Variants in KIF4A observed in about 807,000 individuals in gnomAD.
KIF4A encodes the protein chromosome-associated kinesin KIF4A.
In KIF4A, 7 loss-of-function variants were observed where a neutral mutation model predicts 105.9. That is an observed-to-expected ratio of 0.07 (90% CI 0.04 to 0.12). KIF4A has a LOEUF of 0.12. KIF4A is among the 10% of genes least tolerant of loss of function. The pLI, the probability that KIF4A is intolerant of heterozygous loss-of-function variation, is 1.00. For synonymous variants in KIF4A, 281 were observed against 331.3 expected (o/e 0.85, Z 1.65); for missense variants, 558 against 929.2 (o/e 0.60, Z 5.19).
chrX:70,351,389 G>A (rs1408935898), intron 13 of KIF4A, among the ~76,000 whole-genome samples: 2 of 112,103 alleles, frequency 1.8e-5, no homozygotes, highest in African/African-American at 3.2e-5. Flanking sequence ...TATAAGTAAG[G>A]ACATGCAGTA....
At chrX:70,387,715 A>G (rs2086223129) in intron 20 of KIF4A, among the ~76,000 whole-genome samples, 1 of 111,504 alleles carries the variant, frequency 9.0e-6, no homozygotes, top group Admixed American at 9.6e-5. Context: ...TAAAAATACA[A>G]AAATTAGCTG....
intron 13 of KIF4A, among the ~76,000 whole-genome samples, chrX:70,349,260 C>G: frequency 1.1e-5 from 1 of 95,026 alleles, no homozygotes; most frequent in African/African-American, 4.0e-5. Context: ...AGGCACTCCT[C>G]ACATCCCAGA....
Position 70,406,881 on chromosome X carries a change from C to T in KIF4A, c.3073-12C>T. On this transcript the variant is annotated splice_polypyrimidine_tract_variant and intron_variant, in intron 27 of 30. Coordinates refer to ENST00000374403, the MANE Select transcript of KIF4A (RefSeq NM_012310.5). ...ATTAAATAACTAAACTACTCCAAACCTTTTTTCCTAGCCAAAACCTTCTCG... is the reference window on the plus strand; with the variant it reads ...ATTAAATAACTAAACTACTCCAAACTTTTTTTCCTAGCCAAAACCTTCTCG... 1 of 1,209,246 alleles carries T rather than the reference C, an allele frequency of 8.3e-7. No individual in the cohort carries two copies. Among genetic ancestry groups the T allele is most frequent in the Non-Finnish European group, 1.1e-6 (1 of 893,704 alleles).
intron 13 of KIF4A, among the ~76,000 whole-genome samples, chrX:70,349,818 T>C (rs1259706863): frequency 6.4e-4 from 36 of 56,494 alleles, no homozygotes; most frequent in African/African-American, 9.2e-4. Flanking sequence ...GGGTGGTGGC[T>C]GGGCAGAGGC....
Position 70,297,120 on chromosome X carries a change from C to A in KIF4A, c.358C>A (p.Gln120Lys). ...AGTTGGGGTTATTCCTAGGGTAATA[C>A]AACTGCTCTTCAAAGAAATTGATAA... ...PTVGVIPRVIQLLFKEIDKKS... is the reference protein window; with the variant it reads ...PTVGVIPRVIKLLFKEIDKKS... Residue 120 changes from glutamine to lysine, a missense_variant, in exon 4 of 31, where the codon CAA becomes AAA. Transcript: ENST00000374403. The A allele has an allele frequency of 8.3e-7, 1 of 1,211,237 alleles. No individual in the cohort carries two copies.
chrX:70,349,725 C>T (rs1371468241), intron 13 of KIF4A, among the ~76,000 whole-genome samples: 4 of 63,451 alleles, frequency 6.3e-5, no homozygotes, highest in African/African-American at 1.4e-4. Context: ...CCTCACCTCC[C>T]AGACGGGGTG....
intron 13 of KIF4A, among the ~76,000 whole-genome samples, chrX:70,345,374 G>A (rs1291975689): frequency 9.2e-6 from 1 of 108,650 alleles, no homozygotes; most frequent in Non-Finnish European, 1.9e-5. Flanking sequence ...TGAGGCAGGA[G>A]AACTGCTTGA....
chrX:70,301,483 T>C lies in KIF4A; in HGVS notation c.517-417T>C, dbSNP rs770739087. Among the ~76,000 whole-genome samples, 3 of 110,880 alleles carry C rather than the reference T, an allele frequency of 2.7e-5. No individual in the cohort carries two copies. The South Asian group carries it at 1.2e-3, about 43-fold the overall frequency. ...ACCATGCTATTTCCTCTAGTGAAAATGAGGTTAAAAATGAATCAGAGGTAC... is the reference window on the plus strand; with the variant it reads ...ACCATGCTATTTCCTCTAGTGAAAACGAGGTTAAAAATGAATCAGAGGTAC... On this transcript the variant is annotated intron_variant, in intron 5 of 30. Transcript: ENST00000374403.
intron 7 of KIF4A, among the ~76,000 whole-genome samples, chrX:70,303,281 C>T (rs763394192): frequency 8.9e-6 from 1 of 112,047 alleles, no homozygotes; most frequent in Admixed American, 9.5e-5. Flanking sequence ...ATGTCTTTCT[C>T]TGTGATTCGT....
At chrX:70,368,684 T>TACTC (rs754130169) in intron 15 of KIF4A, among the ~76,000 whole-genome samples, 9 of 112,174 alleles carry the variant, frequency 8.0e-5, no homozygotes, top group Non-Finnish European at 1.7e-4. Context: ...CCAGTTAGGC[T>TACTC]ACTCAGGGGT....
intron 5 of KIF4A, among the ~76,000 whole-genome samples, chrX:70,300,443 G>A (rs1261592594): frequency 1.8e-5 from 2 of 111,728 alleles, no homozygotes; most frequent in Non-Finnish European, 3.8e-5. Flanking sequence ...GTAAGGAAGA[G>A]TTTGTAAACA....
In KIF4A at chrX:70,411,580, G is replaced by A. The variant is rs1404811604; in HGVS notation, c.3255+4505G>A. On this transcript the variant is annotated intron_variant, in intron 28 of 30. Transcript: ENST00000374403. ...TAGTTCTCAAGTCTAGCCACACATT[G>A]GAACACCCAAGGGAGCTTTTAAACA... 3.6e-5 allele frequency among the ~76,000 whole-genome samples: 4 copies of A among 110,487 alleles called. No individual in the cohort carries two copies. The East Asian group carries it at 8.5e-4, about 24-fold the overall frequency.
At chrX:70,300,347 C>T (rs976502730) in intron 5 of KIF4A, among the ~76,000 whole-genome samples, 1 of 111,133 alleles carries the variant, frequency 9.0e-6, no homozygotes, top group Non-Finnish European at 1.9e-5. Context: ...TTTTATATAC[C>T]CCATGTTAAG....
At chrX:70,322,365 G>A (rs2085894022) in intron 7 of KIF4A, among the ~76,000 whole-genome samples, 1 of 108,483 alleles carries the variant, frequency 9.2e-6, no homozygotes, top group Admixed American at 9.9e-5. Flanking sequence ...AGGCTGAAGT[G>A]CAGTGGCGCA....
chrX:70,319,095 T>C (rs766421571), intron 7 of KIF4A, among the ~76,000 whole-genome samples: 2 of 111,244 alleles, frequency 1.8e-5, no homozygotes, highest in African/African-American at 6.5e-5. Flanking sequence ...AAACCCCGTC[T>C]CTACTAAAAA....
intron 15 of KIF4A, chrX:70,361,482 T>C (rs1055346116): frequency 1.3e-5 from 2 of 150,114 alleles, no homozygotes; most frequent in African/African-American, 6.2e-5. Context: ...CTGGATATTG[T>C]CCCCGGGTTA....
chrX:70,402,792 C>T, intron 23 of KIF4A, 97 bp downstream of exon 23: 1 of 1,008,268 alleles, frequency 9.9e-7, no homozygotes, highest in Non-Finnish European at 1.4e-6. Context: ...TGCCACTTTT[C>T]ATGGTAGAAA....
intron 3 of KIF4A, among the ~76,000 whole-genome samples, chrX:70,293,969 T>C (rs746508365): frequency 1.7e-4 from 19 of 112,701 alleles, no homozygotes; most frequent in African/African-American, 4.5e-4. Context: ...CTTCGCTTAT[T>C]ATACGTTTTT....
Position 70,352,586 on chromosome X carries a change from A to T in KIF4A, c.1432-14A>T. 1 of 1,189,189 alleles carries T rather than the reference A, an allele frequency of 8.4e-7. No homozygotes were observed. On this transcript the variant is annotated splice_polypyrimidine_tract_variant and intron_variant, in intron 13 of 30. Transcript: ENST00000374403. ...TCAGACTCTTTCCCTAAACCAAAAC[A>T]TTTGTTACTGCAGGATGAAACTGTT...
Sources: allele counts gnomAD v4.1 joint callset (sites outside exome capture counted in the v4.1 genomes callset), GRCh38; gene constraint gnomAD v4.1.1; transcripts MANE v1.5; gene names NCBI Gene and HGNC (gene_info 2026-07-23, HGNC 2026-07-21).